The following AGPAT4 variants were observed in gnomAD, a reference collection of about 807,000 sequenced individuals.
The protein encoded by AGPAT4 is 1-acyl-sn-glycerol-3-phosphate acyltransferase delta.
Under a neutral mutation model 48.0 loss-of-function variants are expected in AGPAT4, and 15 were observed. The observed-to-expected ratio is 0.31, with a 90% confidence interval of 0.21 to 0.48. The LOEUF is 0.48. AGPAT4 is among the 20% of genes least tolerant of loss of function. The pLI is 0.99. For missense variants in AGPAT4, 314 were observed against 482.5 expected (o/e 0.65, Z 3.27); for synonymous variants, 178 against 198.7 (o/e 0.90, Z 0.88).
intron 2 of AGPAT4, among the ~76,000 whole-genome samples, chr6:161,185,308 A>G (rs1465003736): frequency 7.6e-6 from 1 of 130,974 alleles, no homozygotes; most frequent in Non-Finnish European, 1.6e-5. Flanking sequence ...TTTTTTTTCC[A>G]AAGACAGGGT....
At chr6:161,150,991 C>G (rs1159282528) in intron 5 of AGPAT4, among the ~76,000 whole-genome samples, 1 of 152,160 alleles carries the variant, frequency 6.6e-6, no homozygotes, top group Non-Finnish European at 1.5e-5. Context: ...TGGGGAGAAC[C>G]CACGGGTTCC....
At position 161,161,354 on chromosome 6, in the gene AGPAT4, C is replaced by G. The variant is rs367892694; in HGVS notation, c.348+4894G>C. 1.1e-4 allele frequency: 52 copies of G among 456,750 alleles called. No individual in the cohort carries two copies. Among genetic ancestry groups the G allele is most frequent in the African/African-American group, 9.2e-4 (46 of 50,216 alleles). 28.3% of individuals were successfully genotyped at this position (456,750 alleles called of 1,614,324 possible). Reference sequence around the variant, plus strand: ...CTTCCTGCCCTGGCCAGTGGTTCGCCTGCTACCTCGGTCGTCACCATTATC... The same window carrying G: ...CTTCCTGCCCTGGCCAGTGGTTCGCGTGCTACCTCGGTCGTCACCATTATC... On this transcript the variant is annotated intron_variant, in intron 3 of 8. Transcript: ENST00000320285. This position sits in a 1 kb window ranked among gnomAD's most constrained non-coding sequence, Gnocchi z 4.6.
Position 161,242,666 on chromosome 6 carries a change from A to G in AGPAT4, c.-89-10364T>C, listed in dbSNP as rs1422954896. Among the ~76,000 whole-genome samples the G allele has an allele frequency of 6.6e-6, 1 of 152,224 alleles. No individual in the cohort carries two copies. Among genetic ancestry groups the G allele is most frequent in the Admixed American group, 6.5e-5 (1 of 15,280 alleles). The stretch of plus-strand genomic sequence containing the variant: ...TTATGCTCAGTCTGTGAAGTCTCCA[A>G]AAAATTTTATCAACTCCTGATGAAA... On this transcript the variant is annotated intron_variant, in intron 1 of 8. Transcript: ENST00000320285. The surrounding 1 kb of genome is among the most constrained non-coding windows in gnomAD (Gnocchi z 5.0).
chr6:161,244,853 G>A lies in AGPAT4; in HGVS notation c.-89-12551C>T, dbSNP rs891429333. Among the ~76,000 whole-genome samples, 1 of 152,154 alleles carries A rather than the reference G, an allele frequency of 6.6e-6. No individual in the cohort carries two copies. The highest frequency in any genetic ancestry group is 2.4e-5 in the African/African-American group (1 of 41,424). On this transcript the variant is annotated intron_variant, in intron 1 of 8. Transcript: ENST00000320285. This position sits in a 1 kb window ranked among gnomAD's most constrained non-coding sequence, Gnocchi z 4.7. ...TGAGCAAAGCTCCTAATCAGTGAAG[G>A]TCACCAACCACAGACAGATGGGCCA...
At position 161,259,466 on chromosome 6, in the gene AGPAT4, C is replaced by T. The variant is rs576576159; in HGVS notation, c.-90+14472G>A. Among the ~76,000 whole-genome samples, 3 of 151,940 alleles carry T rather than the reference C, an allele frequency of 2.0e-5. No homozygotes were observed. The highest frequency in any genetic ancestry group is 2.1e-4 in the South Asian group (1 of 4,786). ...TAGAGCCACCCGGTCTTTTGCAGGGCGGTCTGGAGTTGGTTGAGTCTAGAG... is the reference window on the plus strand; with the variant it reads ...TAGAGCCACCCGGTCTTTTGCAGGGTGGTCTGGAGTTGGTTGAGTCTAGAG... On this transcript the variant is annotated intron_variant, in intron 1 of 8. Transcript: ENST00000320285. The surrounding 1 kb of genome is among the most constrained non-coding windows in gnomAD (Gnocchi z 4.9).
At chr6:161,257,487 G>A (rs1782974231) in intron 1 of AGPAT4, among the ~76,000 whole-genome samples, 1 of 152,080 alleles carries the variant, frequency 6.6e-6, no homozygotes, top group African/African-American at 2.4e-5. Context: ...GTTCTAAGCT[G>A]GATTTTGGTG....
rs1209715760 is a variant in AGPAT4 at position 161,154,351 on chromosome 6, G to A, written c.349-41C>T. 14 of 1,611,298 alleles carry A rather than the reference G, an allele frequency of 8.7e-6. No individual in the cohort carries two copies. The highest frequency in any genetic ancestry group is 5.0e-5 in the Admixed American group (3 of 59,610). ...GAGCCCAGGTGCCCATGAAGGAGAC[G>A]TCAGAGCCACCTGCCGGGGCTGTTG... On this transcript the variant is annotated intron_variant, in intron 3 of 8. Coordinates refer to ENST00000320285, the MANE Select transcript of AGPAT4 (RefSeq NM_020133.3). The surrounding 1 kb of genome is among the most constrained non-coding windows in gnomAD (Gnocchi z 7.8).
chr6:161,210,522 T>TTCCAATTAATTAG (rs1781493876), intron 2 of AGPAT4, among the ~76,000 whole-genome samples: 1 of 152,136 alleles, frequency 6.6e-6, no homozygotes, highest in South Asian at 2.1e-4. Flanking sequence ...ATATAAAGAG[T>TTCCAATTAATTAG]TCCAATTAAT....
chr6:161,176,120 T>A (rs1220903505), intron 2 of AGPAT4, among the ~76,000 whole-genome samples: 5 of 152,336 alleles, frequency 3.3e-5, no homozygotes, highest in Middle Eastern at 6.8e-3. Context: ...TCTGTTGATT[T>A]GGGTGGAGAG....
At position 161,179,254 on chromosome 6, in the gene AGPAT4, C is replaced by T. The variant is rs564331427; in HGVS notation, c.179-12837G>A. Among the ~76,000 whole-genome samples, 46 of 152,252 alleles carry T rather than the reference C, an allele frequency of 3.0e-4. No individual in the cohort carries two copies. The South Asian group carries it at 9.3e-3, about 31-fold the overall frequency. ...GTGGCCCATGCCCCCAGAGTTAGGA[C>T]GTGTGTGGCTGGGAGCTGAATCCAG... On this transcript the variant is annotated intron_variant, in intron 2 of 8. Coordinates refer to ENST00000320285, the MANE Select transcript of AGPAT4 (RefSeq NM_020133.3).
Position 161,222,798 on chromosome 6 carries a change from T to C in AGPAT4, c.178+9238A>G, listed in dbSNP as rs1374424887. On this transcript the variant is annotated intron_variant, in intron 2 of 8. Coordinates refer to ENST00000320285, the MANE Select transcript of AGPAT4 (RefSeq NM_020133.3). The surrounding 1 kb of genome is among the most constrained non-coding windows in gnomAD (Gnocchi z 5.9). Reference sequence around the variant, plus strand: ...CTGCTCTCCTGCAGGTGTCTGTGGATGCTTCCTCTGGCCTCATTCATTTGC... The same window carrying C: ...CTGCTCTCCTGCAGGTGTCTGTGGACGCTTCCTCTGGCCTCATTCATTTGC... Among the ~76,000 whole-genome samples the C allele has an allele frequency of 6.6e-6, 1 of 152,196 alleles. No individual in the cohort carries two copies. The highest frequency in any genetic ancestry group is 2.4e-5 in the African/African-American group (1 of 41,426).
chr6:161,130,721 G>A lies in AGPAT4; in HGVS notation c.*5819C>T, dbSNP rs1778873583. The A allele has an allele frequency of 5.0e-6, 2 of 396,106 alleles. No homozygotes were observed. The highest frequency in any genetic ancestry group is 1.0e-5 in the Non-Finnish European group (2 of 193,008). The allele number at this position is 396,106 out of a possible 1,614,324, so 24.5% of individuals were successfully genotyped here. On this transcript the variant is annotated 3_prime_UTR_variant, in exon 9 of 9. Coordinates refer to ENST00000320285, the MANE Select transcript of AGPAT4 (RefSeq NM_020133.3). ...GGCCAGCCTTGCTGTGTTTGCCTCA[G>A]ATGCGAGTAAGGAAGCTCCAGTTGT...
chr6:161,170,596 A>G (rs973706085), intron 2 of AGPAT4, among the ~76,000 whole-genome samples: 2 of 152,134 alleles, frequency 1.3e-5, no homozygotes, highest in Non-Finnish European at 2.9e-5. Flanking sequence ...TATACTGCAC[A>G]TGACTTACAA....
chr6:161,153,226 G>A, intron 5 of AGPAT4, 120 bp downstream of exon 5: 3 of 1,354,152 alleles, frequency 2.2e-6, no homozygotes, highest in Non-Finnish European at 3.0e-6. Context: ...CAGCCACTCT[G>A]AGCTCCTAGC....
At chr6:161,256,018 C>T (rs1035630307) in intron 1 of AGPAT4, among the ~76,000 whole-genome samples, 1 of 152,130 alleles carries the variant, frequency 6.6e-6, no homozygotes, top group Non-Finnish European at 1.5e-5. Context: ...AGGAAATGAG[C>T]TGCAGAAAGG....
chr6:161,191,521 A>G (rs1365153829), intron 2 of AGPAT4, among the ~76,000 whole-genome samples: 1 of 152,210 alleles, frequency 6.6e-6, no homozygotes, highest in Non-Finnish European at 1.5e-5. Context: ...AGTATCTTAG[A>G]TACAAGGAGG....
intron 2 of AGPAT4, among the ~76,000 whole-genome samples, chr6:161,167,596 A>G (rs1780142101): frequency 6.6e-6 from 1 of 152,008 alleles, no homozygotes; most frequent in African/African-American, 2.4e-5. Context: ...TCCCCACCCC[A>G]TCCCTACCCT....
At chr6:161,188,842 C>A (rs1780845802) in intron 2 of AGPAT4, among the ~76,000 whole-genome samples, 1 of 152,002 alleles carries the variant, frequency 6.6e-6, no homozygotes, top group Non-Finnish European at 1.5e-5. Context: ...CCTAGAATCC[C>A]GAGAGCCACC....
intron 5 of AGPAT4, among the ~76,000 whole-genome samples, chr6:161,151,145 C>G (rs1323865764): frequency 6.6e-6 from 1 of 152,228 alleles, no homozygotes; most frequent in Non-Finnish European, 1.5e-5. Flanking sequence ...CGCTGCCAGC[C>G]CCCGCCAGCC....
Sources: allele counts gnomAD v4.1 joint callset (sites outside exome capture counted in the v4.1 genomes callset), GRCh38; gene constraint gnomAD v4.1.1; non-coding constraint Gnocchi (gnomAD v3.1); transcripts MANE v1.5; gene names NCBI Gene and HGNC (gene_info 2026-07-23, HGNC 2026-07-21).